Variants in IQCK observed in about 807,000 individuals in gnomAD.
The protein encoded by IQCK is IQ domain-containing protein K.
IQCK carries 29 observed loss-of-function variants against 28.1 expected under a neutral mutation model. The ratio of observed to expected loss-of-function variants is 1.03; its 90% CI spans 0.77 to 1.41. The LOEUF is 1.41. IQCK is among the 40% of genes most tolerant of loss of function. IQCK has a pLI of 0.00. For missense variants in IQCK, 359 were observed against 314.7 expected (o/e 1.14, Z -1.07); for synonymous variants, 113 against 115.1 (o/e 0.98, Z 0.12).
At chr16:19,831,300 T>G (rs2056230497), downstream of IQCK, among the ~76,000 whole-genome samples, 1 of 152,210 alleles carries the variant, frequency 6.6e-6, no homozygotes, top group South Asian at 2.1e-4. Context: ...TCAGGGTTCT[T>G]GCTGTTTATG....
At chr16:19,828,241 T>G (rs1483975275), downstream of IQCK, among the ~76,000 whole-genome samples, 4 of 144,048 alleles carry the variant, frequency 2.8e-5, no homozygotes, top group Admixed American at 1.4e-4. Flanking sequence ...CTTTTTTTTT[T>G]TTTTTTTTTT....
intron 6 of IQCK, among the ~76,000 whole-genome samples, chr16:19,772,962 C>T (rs942587390): frequency 6.6e-5 from 10 of 152,016 alleles, no homozygotes; most frequent in South Asian, 2.1e-4. Flanking sequence ...GTGGTTGTGC[C>T]GCTGCAATCC....
intron 4 of IQCK, among the ~76,000 whole-genome samples, chr16:19,739,895 A>G (rs187706426): frequency 2.1e-4 from 32 of 151,998 alleles, no homozygotes; most frequent in Admixed American, 1.7e-3. Context: ...ATCTTGTTTC[A>G]CCCTTACAAT....
At chr16:19,832,494 A>G (rs933133871) in intron 9 of IQCK, among the ~76,000 whole-genome samples, 8 of 152,164 alleles carry the variant, frequency 5.3e-5, no homozygotes, top group Non-Finnish European at 1.2e-4. Flanking sequence ...AATACACACA[A>G]TATGATATTT....
intron 1 of IQCK, among the ~76,000 whole-genome samples, chr16:19,728,243 A>G (rs982389071): frequency 2.0e-5 from 3 of 152,000 alleles, no homozygotes; most frequent in Non-Finnish European, 4.4e-5. Context: ...ACCACAAGAA[A>G]CTAAAATTCT....
At chr16:19,728,510 A>T (rs1214097466) in intron 1 of IQCK, among the ~76,000 whole-genome samples, 3 of 152,206 alleles carry the variant, frequency 2.0e-5, no homozygotes, top group African/African-American at 7.2e-5. Flanking sequence ...TTGGCCTCGT[A>T]AAGTGCTGGG....
intron 7 of IQCK, among the ~76,000 whole-genome samples, chr16:19,817,367 T>A (rs1338322147): frequency 6.6e-6 from 1 of 152,168 alleles, no homozygotes; most frequent in Non-Finnish European, 1.5e-5. Flanking sequence ...ATTAGCCCAG[T>A]TCAATGGGTG....
chr16:19,816,566 G>A (rs142519573), intron 7 of IQCK, among the ~76,000 whole-genome samples: 4,147 of 152,330 alleles, frequency 0.027, 76 homozygotes, highest in Non-Finnish European at 0.039. Context: ...ACTCAGGCGT[G>A]AGCCACCGCG....
intron 7 of IQCK, among the ~76,000 whole-genome samples, chr16:19,822,795 C>G (rs534988030): frequency 1.3e-5 from 2 of 152,264 alleles, no homozygotes; most frequent in African/African-American, 4.8e-5. Flanking sequence ...TGTAAGTGTA[C>G]TTAATGCTAC....
chr16:19,731,173 T>G (rs917581432), intron 2 of IQCK, among the ~76,000 whole-genome samples: 1 of 152,134 alleles, frequency 6.6e-6, no homozygotes, highest in Non-Finnish European at 1.5e-5. Flanking sequence ...AGACCAAGTT[T>G]CTCTGCATGA....
At chr16:19,783,368 A>G (rs969515777) in intron 6 of IQCK, among the ~76,000 whole-genome samples, 1 of 152,124 alleles carries the variant, frequency 6.6e-6, no homozygotes, top group Non-Finnish European at 1.5e-5. Context: ...ACAAATGAGT[A>G]TTACTAGTAT....
At chr16:19,808,891 CTT>C (rs1192280942) in intron 7 of IQCK, among the ~76,000 whole-genome samples, 1 of 152,212 alleles carries the variant, frequency 6.6e-6, no homozygotes, top group Non-Finnish European at 1.5e-5. Flanking sequence ...AGTTTTCACT[CTT>C]GTTGTCCAGG....
chr16:19,779,234 T>A (rs1271901850), intron 6 of IQCK, among the ~76,000 whole-genome samples: 1 of 152,138 alleles, frequency 6.6e-6, no homozygotes, highest in African/African-American at 2.4e-5. Flanking sequence ...GGGAGGTGAC[T>A]ACAGTGAAGA....
At chr16:19,821,418 A>G (rs531689250) in intron 7 of IQCK, among the ~76,000 whole-genome samples, 1 of 152,312 alleles carries the variant, frequency 6.6e-6, no homozygotes, top group East Asian at 1.9e-4. Flanking sequence ...AATTGAAAAT[A>G]GGTATTTAAA....
intron 7 of IQCK, among the ~76,000 whole-genome samples, chr16:19,806,540 A>AC (rs1389069262): frequency 2.0e-5 from 3 of 150,724 alleles, no homozygotes; most frequent in African/African-American, 7.4e-5. Flanking sequence ...ACAAAAAAAA[A>AC]ATAGCTGAGT....
intron 7 of IQCK, among the ~76,000 whole-genome samples, chr16:19,804,372 G>A (rs1007200253): frequency 4.0e-5 from 6 of 151,850 alleles, no homozygotes; most frequent in Non-Finnish European, 7.4e-5. Context: ...AAAAGTACTT[G>A]AGGTTCTATT....
chr16:19,815,341 T>C (rs767008275), intron 7 of IQCK, among the ~76,000 whole-genome samples: 5 of 152,106 alleles, frequency 3.3e-5, no homozygotes, highest in Non-Finnish European at 5.9e-5. Context: ...AGGTGATATC[T>C]ACAGCTTTTA....
intron 4 of IQCK, among the ~76,000 whole-genome samples, chr16:19,757,582 G>T (rs2055071076): frequency 2.0e-5 from 3 of 152,186 alleles, no homozygotes; most frequent in Admixed American, 2.0e-4. Flanking sequence ...TTAGGAGGCT[G>T]AGGCTTGAAC....
intron 9 of IQCK, among the ~76,000 whole-genome samples, chr16:19,835,273 ACT>A (rs548848302): frequency 1.6e-4 from 25 of 152,074 alleles, no homozygotes; most frequent in African/African-American, 5.8e-4. Flanking sequence ...ACAGAGCAAG[ACT>A]CTGTCTCAAA....
Sources: gnomAD v4.1 joint callset for allele counts (sites outside exome capture counted in the v4.1 genomes callset) on GRCh38, gnomAD v4.1.1 for gene constraint, MANE v1.5 for transcripts, NCBI Gene and HGNC (gene_info 2026-07-23, HGNC 2026-07-21) for gene names.